CCDC171: variants seen among roughly 807,000 people sequenced by gnomAD.
CCDC171 encodes coiled-coil domain containing 171, also known as coiled-coil domain-containing protein 171.
A neutral mutation model predicts 168.2 loss-of-function variants in CCDC171; 177 were observed. That is an observed-to-expected ratio of 1.05 (90% CI 0.93 to 1.19). The LOEUF (loss-of-function observed/expected upper bound fraction) is 1.19. CCDC171 is among the 50% of genes most tolerant of loss of function. The pLI is 0.00. For missense variants in CCDC171, 1,991 were observed against 1,539.0 expected, an observed-to-expected ratio of 1.29 and a Z score of -4.91; for synonymous variants, 687 against 540.8, an observed-to-expected ratio of 1.27 and a Z score of -3.75.
intron 4 of CCDC171, among the ~76,000 whole-genome samples, chr9:15,590,771 CTCTTTCTTTCTTTCTTTCTT>C (rs71506031): frequency 5.5e-4 from 68 of 122,612 alleles, no homozygotes; most frequent in Middle Eastern, 4.1e-3. Flanking sequence ...TTCTTTCTTT[CTCTTTCTTTCTTTCTTTCTT>C]TCTTTCTTTC....
At chr9:15,554,211 G>A (rs1303299864) in intron 1 of CCDC171, among the ~76,000 whole-genome samples, 1 of 152,072 alleles carries the variant, frequency 6.6e-6, no homozygotes, top group East Asian at 1.9e-4. Context: ...TAGTGGAGAC[G>A]GGGTTTCACT....
intron 12 of CCDC171, among the ~76,000 whole-genome samples, chr9:15,723,017 C>T (rs908273561): frequency 2.6e-5 from 4 of 152,120 alleles, no homozygotes; most frequent in Non-Finnish European, 4.4e-5. Flanking sequence ...GTTGAAAAGT[C>T]GACTCAGCAG....
intron 25 of CCDC171, among the ~76,000 whole-genome samples, chr9:15,944,836 T>TTTCTTTCTTTC: frequency 7.7e-6 from 1 of 129,852 alleles, no homozygotes; most frequent in Non-Finnish European, 1.6e-5. Flanking sequence ...TTTCTTTCTT[T>TTTCTTTCTTTC]TTTCTTTCTT....
chr9:16,055,307 G>A (rs1471271719), intron 1 of CCDC171, among the ~76,000 whole-genome samples: 1 of 152,164 alleles, frequency 6.6e-6, no homozygotes, highest in East Asian at 1.9e-4. Context: ...GGAGTTCAGA[G>A]AGAGTTCAGG....
intron 7 of CCDC171, among the ~76,000 whole-genome samples, chr9:15,625,540 G>T (rs1232344107): frequency 1.3e-5 from 2 of 152,304 alleles, no homozygotes; most frequent in East Asian, 3.9e-4. Context: ...CATATGGCTA[G>T]CCAGTTTTCC....
chr9:16,033,335 A>G (rs989474856), intron 6 of CCDC171, among the ~76,000 whole-genome samples: 7 of 152,208 alleles, frequency 4.6e-5, no homozygotes, highest in Admixed American at 3.9e-4. Flanking sequence ...TGGACGCTTC[A>G]TCTGTACTTA....
At chr9:15,629,992 C>T (rs2045538026) in intron 7 of CCDC171, among the ~76,000 whole-genome samples, 1 of 152,140 alleles carries the variant, frequency 6.6e-6, no homozygotes, top group South Asian at 2.1e-4. Flanking sequence ...GATTTTGTCA[C>T]CACCAGGCCT....
chr9:15,616,511 G>T (rs537490484), intron 6 of CCDC171, among the ~76,000 whole-genome samples: 2 of 151,826 alleles, frequency 1.3e-5, no homozygotes, highest in Non-Finnish European at 2.9e-5. Context: ...GCATCTTTTT[G>T]TTATAGACTC....
intron 21 of CCDC171, among the ~76,000 whole-genome samples, chr9:15,821,138 G>C (rs1165000863): frequency 1.7e-5 from 2 of 116,684 alleles, no homozygotes; most frequent in East Asian, 2.1e-4. Flanking sequence ...ATTCAACAAC[G>C]CTTCATGGTA....
In CCDC171 at chr9:15,744,528, A is replaced by T. The variant is rs1228718592; in HGVS notation, c.2305A>T (p.Ile769Phe). The T allele has an allele frequency of 6.2e-7, 1 of 1,614,226 alleles. No individual in the cohort carries two copies. Among genetic ancestry groups the T allele is most frequent in the Admixed American group, 1.7e-5 (1 of 60,018 alleles). ...CACCTTTGAGTTGTTCAAACTGGAA[A>T]TTAGAACTCTAGCCCAGGCTTTGTC... is the stretch of plus-strand genomic sequence containing the variant. ...VNTFELFKLE[I>F]RTLAQALSTV... The change falls in exon 17 of 26, where the codon ATT (isoleucine) becomes TTT (phenylalanine). Residue 769 changes from isoleucine (I) to phenylalanine (F), a missense_variant. Transcript: ENST00000380701.
At chr9:15,790,989 G>T (rs2058229040) in intron 21 of CCDC171, among the ~76,000 whole-genome samples, 1 of 152,092 alleles carries the variant, frequency 6.6e-6, no homozygotes, top group African/African-American at 2.4e-5. Context: ...GTGCTGTTTT[G>T]GTTACTGTAG....
intron 18 of CCDC171, among the ~76,000 whole-genome samples, chr9:15,747,283 G>C (rs1044879052): frequency 1.3e-5 from 2 of 152,178 alleles, no homozygotes; most frequent in Non-Finnish European, 2.9e-5. Context: ...ATCTTCCTGG[G>C]ACAGAGCCCC....
intron 6 of CCDC171, among the ~76,000 whole-genome samples, chr9:15,612,900 T>C (rs2043806778): frequency 6.6e-6 from 1 of 152,192 alleles, no homozygotes; most frequent in Non-Finnish European, 1.5e-5. Flanking sequence ...CTTAACACTT[T>C]TCTGCAGGTT....
At chr9:15,991,963 G>A (rs1329360827) in intron 3 of CCDC171, among the ~76,000 whole-genome samples, 2 of 152,242 alleles carry the variant, frequency 1.3e-5, no homozygotes, top group East Asian at 3.9e-4. Flanking sequence ...AAAAAGTCCG[G>A]GATCAGGTGG....
At chr9:16,060,339 G>T (rs139057045) in intron 1 of CCDC171, among the ~76,000 whole-genome samples, 21 of 152,352 alleles carry the variant, frequency 1.4e-4, no homozygotes, top group Admixed American at 3.3e-4. Context: ...GGGTCTTTGC[G>T]TGGCGCCTCG....
chr9:15,821,263 T>A (rs1223120233), intron 21 of CCDC171, among the ~76,000 whole-genome samples: 1 of 117,332 alleles, frequency 8.5e-6, no homozygotes, highest in African/African-American at 3.2e-5. Context: ...AGCATTCCCT[T>A]TGAAAACTGG....
intron 6 of CCDC171, chr9:16,035,433 T>C (rs1221333479): frequency 6.6e-6 from 1 of 152,166 alleles, no homozygotes. Flanking sequence ...AACACCCGAG[T>C]TCACAGATTA....
At position 15,947,046 on chromosome 9, in the gene CCDC171, C is replaced by G. The variant is rs564505463; in HGVS notation, c.3754-24563C>G. ...TAATAAAATTACATTCATTTAGAAA[C>G]TAAAAAACATGATTCTAACAAGTCA... is the stretch of plus-strand genomic sequence containing the variant. On this transcript the variant is annotated intron_variant, in intron 25 of 25. Coordinates refer to ENST00000380701, the MANE Select transcript of CCDC171 (RefSeq NM_173550.4). Among the ~76,000 whole-genome samples, 19 of 151,854 alleles carry G rather than the reference C, an allele frequency of 1.3e-4. No homozygotes were observed. The East Asian group carries it at 2.0e-3, about 16-fold the overall frequency.
At chr9:15,899,286 G>T (rs1352861223) in intron 24 of CCDC171, among the ~76,000 whole-genome samples, 3 of 152,164 alleles carry the variant, frequency 2.0e-5, no homozygotes, top group Non-Finnish European at 4.4e-5. Context: ...TACATATAAA[G>T]TTGCATTGAA....
Sources: allele counts gnomAD v4.1 joint callset (sites outside exome capture counted in the v4.1 genomes callset), GRCh38; gene constraint gnomAD v4.1.1; transcripts MANE v1.5; gene names NCBI Gene and HGNC (gene_info 2026-07-23, HGNC 2026-07-21).